Variants in CREM observed in about 807,000 individuals in gnomAD.
CREM encodes the protein cAMP responsive element modulator.
CREM carries 13 observed loss-of-function variants against 37.3 expected under a neutral mutation model. That is an observed-to-expected ratio of 0.35 (90% CI 0.23 to 0.55). The LOEUF is 0.55. Ranked by LOEUF, CREM falls within the 20% of genes least tolerant of loss-of-function variation. The pLI is 0.88. For missense variants in CREM, 296 were observed against 362.3 expected (o/e 0.82, Z 1.49); for synonymous variants, 124 against 120.2 (o/e 1.03, Z -0.21).
Position 35,187,122 on chromosome 10 carries a change from A to T in CREM, c.410-1078A>T, listed in dbSNP as rs1362934326. Among the ~76,000 whole-genome samples the T allele has an allele frequency of 3.2e-3, 242 of 76,480 alleles. 2 individuals carry two copies. The highest frequency in any genetic ancestry group is 1.0e-2 in the African/African-American group (167 of 16,722). 50.2% of individuals were successfully genotyped at this position (76,480 alleles called of 152,430 possible). A position where few individuals can be genotyped will look rare whatever the true frequency, so the allele number is the denominator to read the frequency against. ...TATGATATATATTATATAAATATAT[A>T]AATATATTAATATATTAATATATAA... On this transcript the variant is annotated intron_variant, in intron 5 of 7. Coordinates refer to ENST00000685392, the MANE Select transcript of CREM (RefSeq NM_183011.2).
chr10:35,209,292 C>T, intron 7 of CREM: 5 of 985,192 alleles, frequency 5.1e-6, no homozygotes, highest in Non-Finnish European at 6.0e-6. Flanking sequence ...AATCCAGCAA[C>T]AGTTTTTATT....
intron 6 of CREM, among the ~76,000 whole-genome samples, chr10:35,195,450 C>T (rs982767992): frequency 2.0e-5 from 3 of 151,814 alleles, no homozygotes; most frequent in African/African-American, 4.8e-5. Flanking sequence ...ATCCTCTCTT[C>T]CTCCCTCTAT....
intron 3 of CREM, among the ~76,000 whole-genome samples, chr10:35,165,031 T>C (rs1181223974): frequency 1.6e-5 from 2 of 126,092 alleles, no homozygotes; most frequent in African/African-American, 6.2e-5. Context: ...CTCTCCAGCC[T>C]GGGCCACAGA....
In CREM at chr10:35,139,103, A is replaced by G. The variant is rs2091063188; in HGVS notation, c.44+1224A>G. The stretch of plus-strand genomic sequence containing the variant: ...ATCCTGCTATTATTAGTTGTTTGTA[A>G]ATTTAAATATCTCCATTTTAGCAAT... On this transcript the variant is annotated intron_variant, in intron 2 of 7. Transcript: ENST00000685392. Among the ~76,000 whole-genome samples the G allele has an allele frequency of 2.7e-5, 4 of 150,916 alleles. No homozygotes were observed. The South Asian group carries it at 8.4e-4, about 32-fold the overall frequency.
chr10:35,173,754 C>T lies in CREM; in HGVS notation c.169-5135C>T, dbSNP rs140634923. Among the ~76,000 whole-genome samples the T allele has an allele frequency of 9.8e-3, 1,491 of 152,224 alleles. 13 individuals carry two copies. Among genetic ancestry groups the T allele is most frequent in the Non-Finnish European group, 0.016 (1,095 of 68,018 alleles). Reference sequence around the variant, plus strand: ...TACTTACATCACAGAAGTGAGCAAACGCTACAAGTCAGTGTTCCTCCTTCT... The same window carrying T: ...TACTTACATCACAGAAGTGAGCAAATGCTACAAGTCAGTGTTCCTCCTTCT... On this transcript the variant is annotated intron_variant, in intron 3 of 7. Coordinates refer to ENST00000685392, the MANE Select transcript of CREM (RefSeq NM_183011.2).
At chr10:35,207,771 T>C (rs2095568834) in intron 7 of CREM, among the ~76,000 whole-genome samples, 1 of 148,062 alleles carries the variant, frequency 6.8e-6, no homozygotes, top group East Asian at 2.0e-4. Flanking sequence ...GACTCCGTCT[T>C]AAAAAAAAAA....
intron 3 of CREM, among the ~76,000 whole-genome samples, chr10:35,150,242 T>C (rs971082157): frequency 6.6e-6 from 1 of 152,108 alleles, no homozygotes; most frequent in South Asian, 2.1e-4. Context: ...TTGCCCAGGC[T>C]GGTCTCAAAC....
At chr10:35,144,251 C>G (rs1787271962) in intron 2 of CREM, among the ~76,000 whole-genome samples, 1 of 152,126 alleles carries the variant, frequency 6.6e-6, no homozygotes, top group Admixed American at 6.5e-5. Context: ...GCCTTTCTCC[C>G]TAAGGCTCAA....
At chr10:35,208,140 A>T (rs921949055) in intron 7 of CREM, among the ~76,000 whole-genome samples, 22 of 152,184 alleles carry the variant, frequency 1.4e-4, no homozygotes, top group African/African-American at 5.3e-4. Context: ...CTATTTTTTA[A>T]CTTTTTTTCC....
intron 1 of CREM, among the ~76,000 whole-genome samples, chr10:35,131,113 A>G (rs1225452519): frequency 6.6e-6 from 1 of 152,238 alleles, no homozygotes; most frequent in Non-Finnish European, 1.5e-5. Flanking sequence ...CTTACTAGCA[A>G]CTCATCCTCT....
intron 3 of CREM, among the ~76,000 whole-genome samples, chr10:35,164,908 G>A (rs537370167): frequency 5.0e-4 from 76 of 152,026 alleles, no homozygotes; most frequent in Middle Eastern, 3.4e-3. Flanking sequence ...AAAATCAGCT[G>A]GGCATGGTGG....
intron 5 of CREM, among the ~76,000 whole-genome samples, chr10:35,181,959 G>C (rs1198611050): frequency 6.6e-6 from 1 of 152,164 alleles, no homozygotes; most frequent in Non-Finnish European, 1.5e-5. Context: ...CTTAATTTGA[G>C]TCTATACAGT....
At chr10:35,149,938 A>ACACACACACACACACAC (rs796295851) in intron 3 of CREM, among the ~76,000 whole-genome samples, 1 of 145,436 alleles carries the variant, frequency 6.9e-6, no homozygotes, top group Admixed American at 6.9e-5. Flanking sequence ...ACACACACAC[A>ACACACACACACACACAC]CCCTTGTTAA....
At chr10:35,137,984 A>C in intron 2 of CREM, 105 bp downstream of exon 2, 8 of 710,000 alleles carry the variant, frequency 1.1e-5, no homozygotes, top group Non-Finnish European at 1.7e-5. Flanking sequence ...ATGTATGTAT[A>C]TATATTCTAT....
intron 3 of CREM, among the ~76,000 whole-genome samples, chr10:35,161,923 G>T (rs1223571946): frequency 2.0e-5 from 3 of 152,126 alleles, no homozygotes; most frequent in South Asian, 4.1e-4. Context: ...TCATTACTGG[G>T]TATCTATCCA....
intron 3 of CREM, among the ~76,000 whole-genome samples, chr10:35,166,425 G>A (rs776638899): frequency 2.6e-5 from 4 of 152,056 alleles, no homozygotes; most frequent in African/African-American, 9.7e-5. Context: ...ACTGGGTGTG[G>A]TGACAGGCAC....
chr10:35,127,503 C>T (rs1367344288), intron 1 of CREM: 1 of 152,318 alleles, frequency 6.6e-6, no homozygotes, highest in Non-Finnish European at 1.5e-5. Flanking sequence ...TTGGAAAATC[C>T]TCCCTGAGAG....
chr10:35,136,790 G>GTT (rs56403246), intron 1 of CREM, among the ~76,000 whole-genome samples: 2 of 120,820 alleles, frequency 1.7e-5, no homozygotes, highest in African/African-American at 6.0e-5. Flanking sequence ...AGGACTCTCA[G>GTT]TTTTTTTTTT....
chr10:35,187,899 CCTT>C (rs753837700), intron 5 of CREM, among the ~76,000 whole-genome samples: 2 of 152,214 alleles, frequency 1.3e-5, no homozygotes, highest in Non-Finnish European at 2.9e-5. Context: ...CTCCCTGTCT[CCTT>C]CTCCACTCTT....
Sources: gnomAD v4.1 joint callset for allele counts (sites outside exome capture counted in the v4.1 genomes callset) on GRCh38, gnomAD v4.1.1 for gene constraint, MANE v1.5 for transcripts, NCBI Gene and HGNC (gene_info 2026-07-23, HGNC 2026-07-21) for gene names.